The following DOCK10 variants were observed in gnomAD, a reference collection of about 807,000 sequenced individuals.
DOCK10 encodes the protein dedicator of cytokinesis 10, also known as dedicator of cytokinesis protein 10.
Under a neutral mutation model 280.1 loss-of-function variants are expected in DOCK10, and 145 were observed. The ratio of observed to expected loss-of-function variants is 0.52; its 90% confidence interval spans 0.45 to 0.59. The LOEUF (loss-of-function observed/expected upper bound fraction) is 0.59. DOCK10 is among the 20% of genes least tolerant of loss of function. DOCK10 has a pLI of 0.00. For missense variants in DOCK10, 2,368 were observed against 2,651.7 expected (o/e 0.89, Z 2.35); for synonymous variants, 915 against 942.2 (o/e 0.97, Z 0.53).
intron 1 of DOCK10, among the ~76,000 whole-genome samples, chr2:225,000,755 G>A (rs911834722): frequency 6.6e-6 from 1 of 152,210 alleles, no homozygotes; most frequent in Non-Finnish European, 1.5e-5. Flanking sequence ...TGAGACAGGA[G>A]AATCACTTGG....
intron 11 of DOCK10, 86 bp from the exon 12 acceptor site, chr2:224,865,173 G>T: frequency 7.5e-7 from 1 of 1,327,102 alleles, no homozygotes; most frequent in Non-Finnish European, 1.1e-6. Context: ...TAACAAAGCA[G>T]TAGATAAAAT....
intron 2 of DOCK10, among the ~76,000 whole-genome samples, chr2:224,928,505 G>A (rs543753774): frequency 6.6e-6 from 1 of 152,034 alleles, no homozygotes; most frequent in African/African-American, 2.4e-5. Flanking sequence ...TTAGCTCATG[G>A]GACATAAAAA....
At chr2:224,918,645 G>C (rs1442431073) in intron 2 of DOCK10, among the ~76,000 whole-genome samples, 1 of 151,352 alleles carries the variant, frequency 6.6e-6, no homozygotes, top group African/African-American at 2.4e-5. Context: ...TGTGGTGTGT[G>C]TGTGGTGTGT....
chr2:224,935,704 AAGTGTTAATAGAT>A (rs1702647537), intron 1 of DOCK10, among the ~76,000 whole-genome samples: 1 of 152,182 alleles, frequency 6.6e-6, no homozygotes, highest in Non-Finnish European at 1.5e-5. Flanking sequence ...CTCATTATCC[AAGTGTTAATAGAT>A]AAAGCCTATG....
intron 27 of DOCK10, among the ~76,000 whole-genome samples, chr2:224,825,194 G>C (rs1694767280): frequency 6.6e-6 from 1 of 151,894 alleles, no homozygotes; most frequent in South Asian, 2.1e-4. Context: ...TGGCCAGGCT[G>C]GTCTTAAACT....
At chr2:224,846,417 A>T (rs1230685058) in intron 19 of DOCK10, among the ~76,000 whole-genome samples, 1 of 151,204 alleles carries the variant, frequency 6.6e-6, no homozygotes, top group Admixed American at 6.6e-5. Context: ...TTTTTTTTTC[A>T]TTTTGGAGAC....
At chr2:224,979,101 C>T (rs775359269) in intron 1 of DOCK10, among the ~76,000 whole-genome samples, 1 of 152,158 alleles carries the variant, frequency 6.6e-6, no homozygotes, top group South Asian at 2.1e-4. Context: ...TAATGGTCTC[C>T]CTGCTTTGAC....
intron 4 of DOCK10, among the ~76,000 whole-genome samples, chr2:224,890,422 G>GT (rs1185908984): frequency 2.6e-5 from 4 of 152,158 alleles, no homozygotes; most frequent in African/African-American, 7.2e-5. Context: ...GCTTGTGAAA[G>GT]TTTTTTTCAC....
intron 1 of DOCK10, among the ~76,000 whole-genome samples, chr2:224,971,929 T>C (rs1055940483): frequency 6.6e-6 from 1 of 152,212 alleles, no homozygotes; most frequent in African/African-American, 2.4e-5. Flanking sequence ...ATAGTTTGGA[T>C]ATATAGGTTT....
chr2:224,998,706 A>G (rs1706343852), intron 1 of DOCK10, among the ~76,000 whole-genome samples: 1 of 151,782 alleles, frequency 6.6e-6, no homozygotes, highest in Non-Finnish European at 1.5e-5. Context: ...TAATCTAAGC[A>G]CCCCCTTTCT....
intron 1 of DOCK10, among the ~76,000 whole-genome samples, chr2:224,938,986 A>G (rs1201202894): frequency 6.6e-6 from 1 of 152,230 alleles, no homozygotes; most frequent in African/African-American, 2.4e-5. Context: ...CAGTTTCATG[A>G]GAATGGAAAA....
chr2:224,976,228 C>G (rs1705431121), intron 1 of DOCK10, among the ~76,000 whole-genome samples: 1 of 150,580 alleles, frequency 6.6e-6, no homozygotes, highest in Non-Finnish European at 1.5e-5. Flanking sequence ...ACACCAGGGC[C>G]TGTTGAGGGG....
chr2:224,833,060 C>G (rs1037052429), intron 26 of DOCK10, among the ~76,000 whole-genome samples: 3 of 152,184 alleles, frequency 2.0e-5, no homozygotes. Flanking sequence ...TTTAACTGAG[C>G]AGTGACTCTC....
chr2:225,012,485 T>C (rs913097079), intron 1 of DOCK10, among the ~76,000 whole-genome samples: 2 of 152,214 alleles, frequency 1.3e-5, no homozygotes, highest in African/African-American at 4.8e-5. Context: ...CAAAATAGGA[T>C]GAAGACAATT....
intron 40 of DOCK10, 25 bp downstream of exon 40, chr2:224,801,891 G>T: frequency 1.9e-6 from 3 of 1,610,258 alleles, no homozygotes; most frequent in South Asian, 1.1e-5. Context: ...TAACCATCTT[G>T]TTCCTATTAT....
At chr2:224,977,965 G>T (rs1411530540) in intron 1 of DOCK10, among the ~76,000 whole-genome samples, 2 of 152,110 alleles carry the variant, frequency 1.3e-5, no homozygotes, top group Non-Finnish European at 2.9e-5. Context: ...TATTTATCCT[G>T]GCAACTTTCT....
At chr2:224,819,975 T>A (rs1356087811) in intron 28 of DOCK10, among the ~76,000 whole-genome samples, 2 of 152,214 alleles carry the variant, frequency 1.3e-5, no homozygotes, top group African/African-American at 2.4e-5. Flanking sequence ...TTTTAACCAC[T>A]TAGTTACATT....
At chr2:224,823,322 T>TG (rs1348571354) in intron 28 of DOCK10, among the ~76,000 whole-genome samples, 179 bp downstream of exon 28, 1 of 151,094 alleles carries the variant, frequency 6.6e-6, no homozygotes, top group Non-Finnish European at 1.5e-5. Flanking sequence ...GACTTCAAAT[T>TG]GAAAAAAAAA....
chr2:224,816,947 C>A (rs1402083984), intron 29 of DOCK10, among the ~76,000 whole-genome samples: 1 of 152,164 alleles, frequency 6.6e-6, no homozygotes, highest in Admixed American at 6.5e-5. Flanking sequence ...CCATTTGTAA[C>A]CTACATGTAG....
Sources: allele counts gnomAD v4.1 joint callset (sites outside exome capture counted in the v4.1 genomes callset), GRCh38; gene constraint gnomAD v4.1.1; transcripts MANE v1.5; gene names NCBI Gene and HGNC (gene_info 2026-07-23, HGNC 2026-07-21).